The following CAP2 variants were observed in gnomAD, a reference collection of about 807,000 sequenced individuals.
CAP2 encodes adenylyl cyclase-associated protein 2.
Under a neutral mutation model 57.7 loss-of-function variants are expected in CAP2, and 24 were observed. The observed-to-expected ratio is 0.42, with a 90% confidence interval of 0.30 to 0.58. The LOEUF (loss-of-function observed/expected upper bound fraction) is 0.58. Ranked by LOEUF, CAP2 falls within the 20% of genes least tolerant of loss-of-function variation. The probability of loss-of-function intolerance (pLI) is 0.22; values close to 1 mark genes in which losing one functional copy is unlikely to be tolerated. For missense variants in CAP2, 501 were observed against 590.3 expected, an observed-to-expected ratio of 0.85 and a Z score of 1.57; for synonymous variants, 194 against 207.2, an observed-to-expected ratio of 0.94 and a Z score of 0.55.
At chr6:17,443,628 AT>A (rs1760158230) in intron 3 of CAP2, among the ~76,000 whole-genome samples, 2 of 151,846 alleles carry the variant, frequency 1.3e-5, no homozygotes, top group African/African-American at 4.8e-5. Flanking sequence ...TCATCTATGA[AT>A]TCCTCATGAT....
rs1762940228 is a variant in CAP2 at position 17,542,883 on chromosome 6, T to C, written c.1049T>C (p.Leu350Pro). The change falls in exon 10 of 13, where the codon CTG becomes CCG. Residue 350 changes from leucine to proline, a missense_variant. Coordinates refer to ENST00000229922, the MANE Select transcript of CAP2 (RefSeq NM_006366.3). ...RNDLVISETE[L>P]KQVAYIFKCE... ...GACCTTGTGATTTCAGAGACTGAGCTGAAACAAGTGGCTTACATTTTCAAA... is the reference window on the plus strand; with the variant it reads ...GACCTTGTGATTTCAGAGACTGAGCCGAAACAAGTGGCTTACATTTTCAAA... 6 of 1,612,898 alleles carry C rather than the reference T, an allele frequency of 3.7e-6. No homozygotes were observed. Among genetic ancestry groups the C allele is most frequent in the Non-Finnish European group, 5.1e-6 (6 of 1,179,016 alleles).
intron 2 of CAP2, among the ~76,000 whole-genome samples, chr6:17,426,231 CT>C (rs551759980): frequency 0.11 from 15,171 of 139,908 alleles, 840 homozygotes; most frequent in African/African-American, 0.15. Flanking sequence ...CCCAGGTTTT[CT>C]TTTTTTTTTT....
intron 3 of CAP2, among the ~76,000 whole-genome samples, chr6:17,438,095 T>C (rs553464050): frequency 5.4e-5 from 8 of 146,882 alleles, no homozygotes; most frequent in Non-Finnish European, 1.0e-4. Context: ...TGGCCAGGCG[T>C]GGTGGCTCAG....
chr6:17,484,518 T>A (rs1485252491), intron 4 of CAP2, among the ~76,000 whole-genome samples: 2 of 152,234 alleles, frequency 1.3e-5, no homozygotes, highest in Non-Finnish European at 1.5e-5. Flanking sequence ...GCTGACAGGA[T>A]AAATATCATA....
chr6:17,537,252 T>C (rs1561820172), intron 7 of CAP2, among the ~76,000 whole-genome samples: 1 of 152,096 alleles, frequency 6.6e-6, no homozygotes, highest in East Asian at 1.9e-4. Flanking sequence ...AGTGGCGTGA[T>C]CTCAACTCAC....
At chr6:17,537,178 G>A (rs779579596) in intron 7 of CAP2, among the ~76,000 whole-genome samples, 8 of 152,054 alleles carry the variant, frequency 5.3e-5, no homozygotes, top group Non-Finnish European at 1.2e-4. Flanking sequence ...ATAGCGTGTT[G>A]TGTTGTTTTG....
intron 4 of CAP2, among the ~76,000 whole-genome samples, chr6:17,469,523 T>C (rs1223202114): frequency 6.6e-6 from 1 of 152,074 alleles, no homozygotes; most frequent in African/African-American, 2.4e-5. Flanking sequence ...GGGAAGATGA[T>C]TTATGGTCAT....
At position 17,406,398 on chromosome 6, in the gene CAP2, C is replaced by CTTTTTTTTTTTTTTTTTTTTTT. The variant is rs777803474; in HGVS notation, c.-2+12667_-2+12668insTTTTTTTTTTTTTTTTTTTTTT. ...CTTTTCTGTCAGTAAGCCCAGATTT[C>CTTTTTTTTTTTTTTTTTTTTTT]TTTTTTTTTTTTTTTGAGGCAGTCT... On this transcript the variant is annotated intron_variant, in intron 1 of 12. Coordinates refer to ENST00000229922, the MANE Select transcript of CAP2 (RefSeq NM_006366.3). Among the ~76,000 whole-genome samples the CTTTTTTTTTTTTTTTTTTTTTT allele has an allele frequency of 3.6e-3, 370 of 102,392 alleles. 66 individuals are homozygous for CTTTTTTTTTTTTTTTTTTTTTT. Among genetic ancestry groups the CTTTTTTTTTTTTTTTTTTTTTT allele is most frequent in the African/African-American group, 0.016 (273 of 16,970 alleles). The allele number at this position is 102,392 out of a possible 152,430, so 67.2% of individuals were successfully genotyped here. A position where few individuals can be genotyped will look rare whatever the true frequency, so the allele number is the denominator to read the frequency against.
At chr6:17,404,511 A>C (rs1436867102) in intron 1 of CAP2, among the ~76,000 whole-genome samples, 1 of 152,092 alleles carries the variant, frequency 6.6e-6, no homozygotes, top group Non-Finnish European at 1.5e-5. Context: ...AGGCTGAGGC[A>C]GGAGAATGGT....
chr6:17,511,686 G>A (rs745710920), intron 6 of CAP2, among the ~76,000 whole-genome samples: 1 of 151,998 alleles, frequency 6.6e-6, no homozygotes, highest in Non-Finnish European at 1.5e-5. Flanking sequence ...ACTCCTAACC[G>A]CAAATGATCT....
intron 3 of CAP2, among the ~76,000 whole-genome samples, chr6:17,447,935 C>G (rs2113573673): frequency 6.6e-6 from 1 of 152,354 alleles, no homozygotes; most frequent in South Asian, 2.1e-4. Flanking sequence ...CTTGTGGTTT[C>G]TCTACTACAT....
intron 4 of CAP2, among the ~76,000 whole-genome samples, chr6:17,463,478 A>G (rs1760783634): frequency 6.6e-6 from 1 of 152,176 alleles, no homozygotes; most frequent in Non-Finnish European, 1.5e-5. Context: ...TTTTTAGCTC[A>G]GATTTTGAGC....
At chr6:17,428,428 A>G (rs1759643965) in intron 3 of CAP2, among the ~76,000 whole-genome samples, 1 of 152,170 alleles carries the variant, frequency 6.6e-6, no homozygotes, top group African/African-American at 2.4e-5. Flanking sequence ...ATTGAATTCC[A>G]AATCTGTCTA....
At chr6:17,495,934 G>T (rs181283694) in intron 4 of CAP2, among the ~76,000 whole-genome samples, 1 of 148,518 alleles carries the variant, frequency 6.7e-6, no homozygotes, top group Admixed American at 6.9e-5. Flanking sequence ...ACAGAGGACA[G>T]AATCCCAGTG....
chr6:17,552,581 G>T (rs1763196702), intron 12 of CAP2, among the ~76,000 whole-genome samples: 1 of 152,184 alleles, frequency 6.6e-6, no homozygotes, highest in South Asian at 2.1e-4. Flanking sequence ...GCAGTGAGCT[G>T]AGATTGTGCC....
intron 3 of CAP2, among the ~76,000 whole-genome samples, chr6:17,455,763 C>T (rs1410404962): frequency 6.6e-6 from 1 of 152,168 alleles, no homozygotes; most frequent in African/African-American, 2.4e-5. Flanking sequence ...TCTTGATCTC[C>T]TGACCTTGTG....
intron 11 of CAP2, among the ~76,000 whole-genome samples, chr6:17,543,383 C>T (rs1332484707): frequency 2.6e-5 from 4 of 151,994 alleles, no homozygotes; most frequent in African/African-American, 4.8e-5. Context: ...TTTGGGAGGC[C>T]GAGGTGGGCG....
intron 11 of CAP2, among the ~76,000 whole-genome samples, chr6:17,547,789 T>G (rs1421586791): frequency 2.0e-5 from 3 of 147,358 alleles, no homozygotes; most frequent in Admixed American, 6.9e-5. Context: ...TGCAGTGAGC[T>G]GAGATCGCGC....
At position 17,507,679 on chromosome 6, in the gene CAP2, C is replaced by T. The variant is rs755133331; in HGVS notation, c.483C>T (p.Asp161=). Residue 161 remains aspartate (D), a synonymous_variant, in exon 6 of 13, where the codon GAC becomes GAT. Transcript: ENST00000229922. ...GTCCTTATGTCAAGGAGATGAATGA[C>T]GCTGCCACCTTTTACACTAACAGGG... The part of the protein sequence containing the change: ...KPGPYVKEMN[D]AATFYTNRVL... The T allele has an allele frequency of 1.1e-5, 17 of 1,610,886 alleles. 1 individual carries two copies. In the East Asian group the frequency reaches 1.1e-4, roughly 11 times the overall value.
Sources: allele counts gnomAD v4.1 joint callset (sites outside exome capture counted in the v4.1 genomes callset), GRCh38; gene constraint gnomAD v4.1.1; transcripts MANE v1.5; gene names NCBI Gene and HGNC (gene_info 2026-07-23, HGNC 2026-07-21).